The following NRXN2 variants were observed in gnomAD, a reference collection of about 807,000 sequenced individuals.
The protein encoded by NRXN2 is neurexin-2-beta.
A neutral mutation model predicts 128.8 loss-of-function variants in NRXN2; 29 were observed. The observed-to-expected ratio is 0.23, with a 90% CI of 0.17 to 0.31. The LOEUF (loss-of-function observed/expected upper bound fraction) is 0.31. Ranked by LOEUF, NRXN2 falls within the 10% of genes least tolerant of loss-of-function variation. The probability of loss-of-function intolerance (pLI) is 1.00; values close to 1 mark genes in which losing one functional copy is unlikely to be tolerated. For missense variants in NRXN2, 1,881 were observed against 2,452.6 expected (o/e 0.77, Z 4.92); for synonymous variants, 1,098 against 1,075.2 (o/e 1.02, Z -0.41).
chr11:64,618,888 G>A (rs891426693), intron 22 of NRXN2, among the ~76,000 whole-genome samples: 3 of 152,162 alleles, frequency 2.0e-5, no homozygotes, highest in Non-Finnish European at 2.9e-5. Context: ...GGACATGGAG[G>A]GCAACTGGGC....
rs542645442 is a variant in NRXN2 at position 64,715,983 on chromosome 11, TG to T, written c.-244-2041del. On this transcript the variant is annotated intron_variant, in intron 1 of 22. Transcript: ENST00000265459. ...GGCAGGGAAGGGGGCTCCTCAGGCA[TG>T]GGGGGAGGGAAAGGTCTAAGCTTTC... 1.0e-3 allele frequency among the ~76,000 whole-genome samples: 155 copies of T among 152,080 alleles called. 1 individual carries two copies. Among genetic ancestry groups the T allele is most frequent in the African/African-American group, 3.6e-3 (151 of 41,490 alleles).
At chr11:64,673,992 C>T (rs1188081334) in intron 7 of NRXN2, among the ~76,000 whole-genome samples, 7 of 148,562 alleles carry the variant, frequency 4.7e-5, no homozygotes, top group African/African-American at 1.0e-4. Flanking sequence ...GAGCCGAGAT[C>T]GCGCCACTTC....
At chr11:64,609,694 G>A (rs1261787771) in intron 22 of NRXN2, among the ~76,000 whole-genome samples, 2 of 152,192 alleles carry the variant, frequency 1.3e-5, no homozygotes, top group African/African-American at 4.8e-5. Context: ...AGGGAGCTGG[G>A]GCTCAGCTCT....
chr11:64,702,683 T>C (rs1316767495), intron 2 of NRXN2, among the ~76,000 whole-genome samples: 4 of 151,122 alleles, frequency 2.6e-5, no homozygotes, highest in Non-Finnish European at 1.5e-5. Flanking sequence ...CAGGGTCCTC[T>C]GCCTAGGAAA....
chr11:64,710,907 C>T (rs2056825039), intron 2 of NRXN2, among the ~76,000 whole-genome samples: 1 of 152,192 alleles, frequency 6.6e-6, no homozygotes, highest in Admixed American at 6.5e-5. Context: ...CACACCGACA[C>T]AGAATTTCAC....
intron 7 of NRXN2, among the ~76,000 whole-genome samples, chr11:64,671,182 G>T (rs569243177): frequency 6.6e-6 from 1 of 152,152 alleles, no homozygotes; most frequent in African/African-American, 2.4e-5. Context: ...TATGACCCAG[G>T]GGTGGAGTAG....
At chr11:64,701,451 G>C (rs1040992939) in intron 2 of NRXN2, among the ~76,000 whole-genome samples, 9 of 152,162 alleles carry the variant, frequency 5.9e-5, no homozygotes, top group Admixed American at 2.0e-4. Context: ...TAAGACCCAA[G>C]TCAAGGGCTA....
rs1038007790 is a variant in NRXN2, at chr11:64,714,202, G to C, written c.-244-259C>G. Among the ~76,000 whole-genome samples, 24 of 88,346 alleles carry C rather than the reference G, an allele frequency of 2.7e-4. No individual in the cohort carries two copies. Among genetic ancestry groups the C allele is most frequent in the African/African-American group, 6.0e-4 (20 of 33,284 alleles). The allele number at this position is 88,346 out of a possible 152,430, so 58.0% of individuals were successfully genotyped here. A position where few individuals can be genotyped will look rare whatever the true frequency, so the allele number is the denominator to read the frequency against. On this transcript the variant is annotated intron_variant, in intron 1 of 22. Transcript: ENST00000265459. This position sits in a 1 kb window ranked among gnomAD's most constrained non-coding sequence, Gnocchi z 4.5. ...AGGGAGAGGTGACACGTTCGAGCCC[G>C]GCAGGAGCCCAACCTCAGCCCGCTC... is the stretch of plus-strand genomic sequence containing the variant.
At chr11:64,690,538 TGAGGGGATGAAGGGCCCTCTCCAGGGTG>T in intron 4 of NRXN2, 62 bp from the exon 5 acceptor site, 1 of 1,435,172 alleles carries the variant, frequency 7.0e-7, no homozygotes, top group Non-Finnish European at 9.7e-7. Context: ...TCCCCAGCCT[TGAGGGGATGAAGGGCCCTCTCCAGGGTG>T]GAGGTGCTGC....
rs764896686 is a variant in NRXN2, at chr11:64,667,408, G to C, written c.1640C>G (p.Ser547Cys). ...GGCAAAGTAGTCGGCCCGCTGAGCA[G>C]AGCTGTGGCTGCCAGCTCCACCCCC... ...RAGGGAGSHS[S>C]AQRADYFAME... is the part of the protein sequence containing the mutation. Residue 547 changes from serine to cysteine, a missense_variant, in exon 9 of 23, where the codon TCT (serine) becomes TGT (cysteine). Around this residue, in one of 7 missense-constraint regions of NRXN2, gnomAD observed 997 missense variants for 1,240.8 expected, o/e 0.80. Transcript: ENST00000265459. This position sits in a 1 kb window ranked among gnomAD's most constrained non-coding sequence, Gnocchi z 5.6. 1 of 1,614,212 alleles carries C rather than the reference G, an allele frequency of 6.2e-7. No individual in the cohort carries two copies. Among genetic ancestry groups the C allele is most frequent in the Non-Finnish European group, 8.5e-7 (1 of 1,180,038 alleles).
Position 64,690,444 on chromosome 11 carries a change from C to T in NRXN2, c.811G>A (p.Gly271Arg), listed in dbSNP as rs138744105. The change falls in exon 5 of 23, where the codon GGG becomes AGG. Residue 271 changes from glycine (G) to arginine (R), a missense_variant. By Grantham distance (125) the Gly-to-Arg change is moderately radical. Coordinates refer to ENST00000265459, the MANE Select transcript of NRXN2 (RefSeq NM_015080.4). ...TGCACATCGCCGGCTCCTCCTCTCCCGGCCCCCCCCTCGGAGAACAGTAAG... is the reference window on the plus strand; with the variant it reads ...TGCACATCGCCGGCTCCTCCTCTCCTGGCCCCCCCCTCGGAGAACAGTAAG... ...GSLLFSEGGA[G>R]RGGAGDVHQP... 22 of 1,613,428 alleles carry T rather than the reference C, an allele frequency of 1.4e-5. No homozygotes were observed. Among genetic ancestry groups the T allele is most frequent in the South Asian group, 2.2e-5 (2 of 90,910 alleles).
At chr11:64,618,466 G>A (rs112807665) in intron 22 of NRXN2, among the ~76,000 whole-genome samples, 17 of 152,324 alleles carry the variant, frequency 1.1e-4, no homozygotes, top group African/African-American at 1.9e-4. Context: ...CTCAAAGACC[G>A]TTGTCCCCAG....
Position 64,628,957 on chromosome 11 carries a change from T to A in NRXN2, c.3757+1445A>T, listed in dbSNP as rs187881575. 3.5e-3 allele frequency among the ~76,000 whole-genome samples: 530 copies of A among 152,316 alleles called. 2 individuals are homozygous for A. Among genetic ancestry groups the A allele is most frequent in the Middle Eastern group, 0.014 (4 of 294 alleles). ...CTGCAGTTGTCCATATGTCTAAGGTTGACCTGTGTGTACATGAACCTCTGT... is the reference window on the plus strand; with the variant it reads ...CTGCAGTTGTCCATATGTCTAAGGTAGACCTGTGTGTACATGAACCTCTGT... On this transcript the variant is annotated intron_variant, in intron 19 of 22. Coordinates refer to ENST00000265459, the MANE Select transcript of NRXN2 (RefSeq NM_015080.4).
intron 2 of NRXN2, among the ~76,000 whole-genome samples, chr11:64,701,107 A>G (rs1405597397): frequency 6.6e-6 from 1 of 152,172 alleles, no homozygotes; most frequent in Non-Finnish European, 1.5e-5. Context: ...TGGAACATTA[A>G]TAAGCCTAGG....
At position 64,661,211 on chromosome 11, in the gene NRXN2, G is replaced by C. The variant is rs1042598503; in HGVS notation, c.1799-72C>G. On this transcript the variant is annotated intron_variant, in intron 9 of 22. Transcript: ENST00000265459. ...AGGGACATCCTGACTCTGCCAAGAA[G>C]GCCCCCCACCTTGTGTGGGCCCCTC... is the stretch of plus-strand genomic sequence containing the variant. 3.1e-6 allele frequency: 5 copies of C among 1,602,336 alleles called. No homozygotes were observed. The African/African-American group carries it at 5.3e-5, about 17-fold the overall frequency.
At chr11:64,639,268 G>C (rs368682184) in intron 17 of NRXN2, among the ~76,000 whole-genome samples, 17 of 152,102 alleles carry the variant, frequency 1.1e-4, no homozygotes, top group African/African-American at 3.9e-4. Flanking sequence ...GTGCTCAGCT[G>C]TCTCTTGATC....
intron 15 of NRXN2, among the ~76,000 whole-genome samples, chr11:64,650,223 C>T (rs142366864): frequency 0.014 from 2,063 of 152,128 alleles, 20 homozygotes; most frequent in Middle Eastern, 0.024. Context: ...CCCTGTGAGA[C>T]GCATCCTGCA....
chr11:64,629,454 A>G (rs2043548245), intron 19 of NRXN2, among the ~76,000 whole-genome samples: 3 of 152,008 alleles, frequency 2.0e-5, no homozygotes, highest in Non-Finnish European at 4.4e-5. Flanking sequence ...TCATCTTTGC[A>G]TATAGTTCAG....
At chr11:64,613,400 G>A (rs768673108) in intron 22 of NRXN2, among the ~76,000 whole-genome samples, 24 of 152,204 alleles carry the variant, frequency 1.6e-4, no homozygotes, top group Admixed American at 1.2e-3. Context: ...CAGGGAACGC[G>A]TCCTTCACCA....
Sources: gnomAD v4.1 joint callset for allele counts (sites outside exome capture counted in the v4.1 genomes callset) on GRCh38, gnomAD v4.1.1 for gene constraint, gnomAD v4.1.1 regional missense constraint, Gnocchi (gnomAD v3.1) non-coding constraint, MANE v1.5 for transcripts, NCBI Gene and HGNC (gene_info 2026-07-23, HGNC 2026-07-21) for gene names.